Variants in SLC24A2 observed in about 807,000 individuals in gnomAD.
The protein encoded by SLC24A2 is sodium/potassium/calcium exchanger 2.
A neutral mutation model predicts 62.0 loss-of-function variants in SLC24A2; 36 were observed. The ratio of observed to expected loss-of-function variants is 0.58; its 90% CI spans 0.44 to 0.77. The LOEUF is 0.77. Ranked by LOEUF, SLC24A2 falls within the 30% of genes least tolerant of loss-of-function variation. SLC24A2 has a pLI of 0.00. For synonymous variants in SLC24A2, 358 were observed against 294.0 expected, an observed-to-expected ratio of 1.22 and a Z score of -2.23; for missense variants, 846 against 817.9, an observed-to-expected ratio of 1.03 and a Z score of -0.42.
At chr9:19,771,597 C>T (rs1460487626) in intron 2 of SLC24A2, among the ~76,000 whole-genome samples, 1 of 152,194 alleles carries the variant, frequency 6.6e-6, no homozygotes, top group Non-Finnish European at 1.5e-5. Context: ...ATCCACCATG[C>T]CACCAGTTAC....
chr9:20,282,254 T>C, the SLC24A2 span, among the ~76,000 whole-genome samples: 1 of 152,200 alleles, frequency 6.6e-6, no homozygotes, highest in Non-Finnish European at 1.5e-5. Flanking sequence ...AAGAAACCTT[T>C]TCCCAGAAAA....
intron 4 of SLC24A2, among the ~76,000 whole-genome samples, chr9:19,615,735 C>T (rs1347701393): frequency 1.3e-5 from 2 of 152,162 alleles, no homozygotes; most frequent in South Asian, 4.1e-4. Context: ...TCAGGAGGCA[C>T]ATCTTGCTAC....
chr9:20,215,463 A>T, the SLC24A2 span, among the ~76,000 whole-genome samples: 1 of 152,214 alleles, frequency 6.6e-6, no homozygotes, highest in Non-Finnish European at 1.5e-5. Flanking sequence ...AAAAAAGTTT[A>T]ATAATTTTTA....
chr9:20,113,675 G>C, the SLC24A2 span, among the ~76,000 whole-genome samples: 3 of 152,022 alleles, frequency 2.0e-5, no homozygotes, highest in Non-Finnish European at 4.4e-5. Context: ...AACACGTTGT[G>C]AAATGCATAC....
the SLC24A2 span, among the ~76,000 whole-genome samples, chr9:20,062,321 C>G: frequency 6.6e-6 from 1 of 150,964 alleles, no homozygotes; most frequent in Non-Finnish European, 1.5e-5. Context: ...AGAACAGAGC[C>G]CTCAGAAATA....
At chr9:20,189,116 G>C in the SLC24A2 span, among the ~76,000 whole-genome samples, 1 of 145,094 alleles carries the variant, frequency 6.9e-6, no homozygotes, top group Non-Finnish European at 1.5e-5. Context: ...CTCTTAGAGA[G>C]TTCCAGGAGA....
chr9:20,189,317 C>G, the SLC24A2 span, among the ~76,000 whole-genome samples: 9 of 152,264 alleles, frequency 5.9e-5, no homozygotes, highest in African/African-American at 2.2e-4. Context: ...ATGAAGTTGT[C>G]ATCCTGTGTT....
At chr9:19,619,719 T>C in intron 3 of SLC24A2, 27 bp from the exon 4 acceptor site, 1 of 1,547,368 alleles carries the variant, frequency 6.5e-7, no homozygotes, top group South Asian at 1.1e-5. Context: ...AAGAGATGGT[T>C]AGTCTCAGGA....
chr9:19,650,431 T>C (rs55732614), intron 2 of SLC24A2, among the ~76,000 whole-genome samples: 1,905 of 152,200 alleles, frequency 0.013, 25 homozygotes, highest in Middle Eastern at 0.051. Flanking sequence ...ACCCAGTGAG[T>C]GACCATAGCT....
the SLC24A2 span, among the ~76,000 whole-genome samples, chr9:19,888,463 C>T: frequency 1.3e-5 from 2 of 152,024 alleles, no homozygotes; most frequent in Non-Finnish European, 2.9e-5. Context: ...ATAATAAAAC[C>T]CCCAACCTCA....
chr9:20,179,085 C>T, the SLC24A2 span, among the ~76,000 whole-genome samples: 1 of 152,062 alleles, frequency 6.6e-6, no homozygotes, highest in Admixed American at 6.6e-5. Context: ...CCCCTCTATC[C>T]CCTCATTTCC....
chr9:19,602,940 C>T (rs1237819064), intron 4 of SLC24A2, among the ~76,000 whole-genome samples: 1 of 152,160 alleles, frequency 6.6e-6, no homozygotes, highest in African/African-American at 2.4e-5. Flanking sequence ...CCTCCCCATG[C>T]ATCAATTCAG....
Position 19,516,223 on chromosome 9 carries a change from A to G in SLC24A2, c.1916T>C (p.Leu639Pro). Reference protein sequence around the residue: ...NKILGFIMFGLYFVFLVVSVL... With the variant: ...NKILGFIMFGPYFVFLVVSVL... ...GCTCACCACCAGGAACACAAAGTAG[A>G]GGCCAAACATGATGAAGCCCAGGAT... is the stretch of plus-strand genomic sequence containing the variant. The change falls in exon 11 of 11, where the codon CTC becomes CCC. Residue 639 changes from leucine (L) to proline (P), a missense_variant. Leu to Pro is a moderately conservative substitution (Grantham distance 98). Transcript: ENST00000341998. 1 of 1,614,218 alleles carries G rather than the reference A, an allele frequency of 6.2e-7. No individual in the cohort carries two copies. The highest frequency in any genetic ancestry group is 8.5e-7 in the Non-Finnish European group (1 of 1,180,032).
At chr9:19,563,809 C>T in intron 7 of SLC24A2, among the ~76,000 whole-genome samples, 2 of 74,470 alleles carry the variant, frequency 2.7e-5, no homozygotes, top group Non-Finnish European at 4.8e-5. Context: ...TTCCTTCCTT[C>T]CTTCCTTCCT....
the SLC24A2 span, among the ~76,000 whole-genome samples, chr9:20,103,014 G>T: frequency 3.7e-4 from 56 of 152,170 alleles, no homozygotes; most frequent in Admixed American, 1.2e-3. Flanking sequence ...CTTTTCCGAT[G>T]GGCTTAAAAA....
chr9:19,690,128 T>C (rs1306361320), intron 2 of SLC24A2, among the ~76,000 whole-genome samples: 1 of 148,890 alleles, frequency 6.7e-6, no homozygotes, highest in African/African-American at 2.4e-5. Flanking sequence ...AATAACCTAA[T>C]ATCTTATAGT....
intron 2 of SLC24A2, among the ~76,000 whole-genome samples, chr9:19,774,063 A>T (rs1266812460): frequency 6.6e-6 from 1 of 152,136 alleles, no homozygotes; most frequent in African/African-American, 2.4e-5. Flanking sequence ...GAAACCTAGG[A>T]AGTAGGCAAG....
intron 7 of SLC24A2, among the ~76,000 whole-genome samples, chr9:19,565,640 A>G (rs1835617809): frequency 6.6e-6 from 1 of 152,338 alleles, no homozygotes; most frequent in Admixed American, 6.5e-5. Flanking sequence ...GAACCAAAAA[A>G]GAGCCCAGAT....
intron 7 of SLC24A2, among the ~76,000 whole-genome samples, chr9:19,569,254 G>C (rs571471133): frequency 6.6e-6 from 1 of 152,162 alleles, no homozygotes; most frequent in Non-Finnish European, 1.5e-5. Context: ...CTCATGGGTC[G>C]TACAGAAACA....
Sources: allele counts gnomAD v4.1 joint callset (sites outside exome capture counted in the v4.1 genomes callset), GRCh38; gene constraint gnomAD v4.1.1; transcripts MANE v1.5; gene names NCBI Gene and HGNC (gene_info 2026-07-23, HGNC 2026-07-21).